The following ZBTB40 variants were observed in gnomAD, a reference collection of about 807,000 sequenced individuals.
The protein encoded by ZBTB40 is zinc finger and BTB domain-containing protein 40.
A neutral mutation model predicts 117.5 loss-of-function variants in ZBTB40; 60 were observed. That is an observed-to-expected ratio of 0.51 (90% CI 0.41 to 0.63). The LOEUF (loss-of-function observed/expected upper bound fraction) is 0.63. Among genes scored for constraint, ZBTB40 ranks in the 30% least tolerant of loss-of-function variants. The pLI, the probability that ZBTB40 is intolerant of heterozygous loss-of-function variation, is 0.00. For missense variants in ZBTB40, 1,287 were observed against 1,498.5 expected (o/e 0.86, Z 2.33); for synonymous variants, 525 against 577.1 (o/e 0.91, Z 1.29).
At chr1:22,433,445 A>AAAACAAC (rs1640626287) in intron 1 of ZBTB40, among the ~76,000 whole-genome samples, 1 of 90,406 alleles carries the variant, frequency 1.1e-5, no homozygotes, top group Admixed American at 1.3e-4. Context: ...AAAAAAAAAA[A>AAAACAAC]AAAAAAAAAA....
At position 22,503,611 on chromosome 1, in the gene ZBTB40, G is replaced by GCACA. The variant is rs34221585; in HGVS notation, c.1167+1187_1167+1190dup. 2.7e-3 allele frequency among the ~76,000 whole-genome samples: 403 copies of GCACA among 150,124 alleles called. 1 individual carries two copies. The highest frequency in any genetic ancestry group is 0.018 in the East Asian group (94 of 5,136). On this transcript the variant is annotated intron_variant, in intron 5 of 17. Coordinates refer to ENST00000375647, the MANE Select transcript of ZBTB40 (RefSeq NM_014870.4). Reference sequence around the variant, plus strand: ...GATCTTATGTTGCACATGTGCGCACGCACACACACACACACACACAATGGA... The same window carrying GCACA: ...GATCTTATGTTGCACATGTGCGCACGCACACACACACACACACACACACAATGGA...
chr1:22,486,328 A>G (rs1638464993), intron 1 of ZBTB40, among the ~76,000 whole-genome samples: 1 of 152,156 alleles, frequency 6.6e-6, no homozygotes, highest in African/African-American at 2.4e-5. Flanking sequence ...ATGGTACAGG[A>G]TGGCTAGAGG....
intron 3 of ZBTB40, among the ~76,000 whole-genome samples, chr1:22,497,911 G>C (rs958942503): frequency 3.3e-5 from 5 of 152,170 alleles, no homozygotes; most frequent in African/African-American, 1.2e-4. Flanking sequence ...AGCGATTGTA[G>C]TCTCTATCAT....
chr1:22,511,333 A>T lies in ZBTB40; in HGVS notation c.1988A>T (p.Glu663Val). 6.2e-7 allele frequency: 1 copy of T among 1,614,092 alleles called. No individual in the cohort carries two copies. The highest frequency in any genetic ancestry group is 8.5e-7 in the Non-Finnish European group (1 of 1,180,044). The change falls in exon 10 of 18, where the codon GAG becomes GTG. Residue 663 changes from glutamate (E) to valine (V), a missense_variant. Physicochemically the swap from Glu to Val is moderately radical, Grantham distance 121 (BLOSUM62 -2). Coordinates refer to ENST00000375647, the MANE Select transcript of ZBTB40 (RefSeq NM_014870.4). ...SFPGLQPVMQ[E>V]LAYIGVLTKE... The stretch of plus-strand genomic sequence containing the variant: ...CCAGGCCTGCAGCCTGTCATGCAGG[A>T]GTTGGCATACATTGGTAAGGAACGG...
intron 1 of ZBTB40, among the ~76,000 whole-genome samples, chr1:22,460,594 T>C (rs1041936893): frequency 6.6e-6 from 1 of 152,148 alleles, no homozygotes; most frequent in Non-Finnish European, 1.5e-5. Flanking sequence ...TTTGCAAATA[T>C]AAAAGTGAGA....
intron 1 of ZBTB40, among the ~76,000 whole-genome samples, chr1:22,435,082 C>A (rs908938740): frequency 2.0e-5 from 3 of 148,840 alleles, no homozygotes; most frequent in Non-Finnish European, 4.5e-5. Flanking sequence ...CTCACTGCAA[C>A]CTCTACCTCC....
At chr1:22,465,912 A>G (rs1466757558) in intron 1 of ZBTB40, among the ~76,000 whole-genome samples, 1 of 152,192 alleles carries the variant, frequency 6.6e-6, no homozygotes, top group African/African-American at 2.4e-5. Flanking sequence ...TGCTTCAGCC[A>G]GGATAATGGC....
At chr1:22,500,373 T>C (rs1638895880) in intron 3 of ZBTB40, among the ~76,000 whole-genome samples, 2 of 152,152 alleles carry the variant, frequency 1.3e-5, no homozygotes, top group South Asian at 4.2e-4. Context: ...TGGATTGAAA[T>C]AGTGCAGGGT....
chr1:22,491,594 A>AC, intron 3 of ZBTB40, 61 bp downstream of exon 3: 1 of 1,577,930 alleles, frequency 6.3e-7, no homozygotes. Flanking sequence ...TACCTTACTA[A>AC]CTTTTTATAT....
intron 10 of ZBTB40, among the ~76,000 whole-genome samples, 153 bp from the exon 11 acceptor site, chr1:22,511,523 T>C (rs1460317671): frequency 6.6e-6 from 1 of 152,216 alleles, no homozygotes; most frequent in East Asian, 1.9e-4. Flanking sequence ...TCTTTGTGTT[T>C]ATTGGAAAGT....
rs149324724 is a variant in ZBTB40, at chr1:22,508,626, A to G, written c.1594A>G (p.Ile532Val). The change falls in exon 8 of 18, where the codon ATT becomes GTT. Residue 532 changes from isoleucine to valine, a missense_variant. Ile to Val is a conservative substitution (Grantham distance 29, BLOSUM62 3). Coordinates refer to ENST00000375647, the MANE Select transcript of ZBTB40 (RefSeq NM_014870.4). ...LEKQTLSATA[I>V]WQLLLVVQET... Reference sequence around the variant, plus strand: ...AAAGCAGACTCTCTCTGCCACAGCCATTTGGCAACTGCTGCTGGTGGTTCA... The same window carrying G: ...AAAGCAGACTCTCTCTGCCACAGCCGTTTGGCAACTGCTGCTGGTGGTTCA... The G allele has an allele frequency of 1.8e-5, 29 of 1,614,196 alleles. No homozygotes were observed. The Middle Eastern group carries it at 4.9e-4, about 28-fold the overall frequency.
rs184885954 is a variant in ZBTB40, at chr1:22,510,354, C to T, written c.1834-825C>T. On this transcript the variant is annotated intron_variant, in intron 9 of 17. Transcript: ENST00000375647. ...TCTGTGGGGCTTCAGAGGAAAGACT[C>T]ATCTGTTAGACTCTCTCCAGCACGC... Among the ~76,000 whole-genome samples the T allele has an allele frequency of 1.1e-3, 160 of 152,310 alleles. 1 individual carries two copies. Among genetic ancestry groups the T allele is most frequent in the African/African-American group, 3.5e-3 (145 of 41,558 alleles).
rs767744480 is a variant in ZBTB40, at chr1:22,513,476, G to A, written c.2668+346G>A. Reference sequence around the variant, plus strand: ...AAAAAAAAATAAGGCTGAGGCAGGCGGATCACAAGGTCAGGAGATTGAGAC... The same window carrying A: ...AAAAAAAAATAAGGCTGAGGCAGGCAGATCACAAGGTCAGGAGATTGAGAC... On this transcript the variant is annotated intron_variant, in intron 12 of 17. Coordinates refer to ENST00000375647, the MANE Select transcript of ZBTB40 (RefSeq NM_014870.4). This position sits in a 1 kb window ranked among gnomAD's most constrained non-coding sequence, Gnocchi z 4.9. Among the ~76,000 whole-genome samples the A allele has an allele frequency of 3.9e-5, 6 of 152,110 alleles. No homozygotes were observed. Among genetic ancestry groups the A allele is most frequent in the South Asian group, 2.1e-4 (1 of 4,806 alleles).
chr1:22,456,629 C>T (rs115283656), intron 1 of ZBTB40, among the ~76,000 whole-genome samples: 2,770 of 152,290 alleles, frequency 0.018, 69 homozygotes, highest in Admixed American at 0.064. Flanking sequence ...TGAGAATCTC[C>T]CCTGAAACCA....
rs534072517 is a variant in ZBTB40 at position 22,491,392 on chromosome 1, A to G, written c.698-8A>G. ...TTTCTGATTTGTTTTATTTTGTTCTACATTTAGGATGTGAAAGGAAACACT... is the reference window on the plus strand; with the variant it reads ...TTTCTGATTTGTTTTATTTTGTTCTGCATTTAGGATGTGAAAGGAAACACT... On this transcript the variant is annotated splice_polypyrimidine_tract_variant and splice_region_variant and intron_variant, in intron 2 of 17. Transcript: ENST00000375647. 1.9e-6 allele frequency: 3 copies of G among 1,613,612 alleles called. No individual in the cohort carries two copies. The highest frequency in any genetic ancestry group is 1.1e-5 in the South Asian group (1 of 91,072).
chr1:22,437,571 C>A (rs889267621), intron 1 of ZBTB40, among the ~76,000 whole-genome samples: 1 of 151,868 alleles, frequency 6.6e-6, no homozygotes, highest in African/African-American at 2.4e-5. Context: ...AGGCACGCAC[C>A]ACTACACCCG....
chr1:22,451,207 A>C (rs145905633), upstream of ZBTB40, among the ~76,000 whole-genome samples: 174 of 152,326 alleles, frequency 1.1e-3, no homozygotes, highest in Non-Finnish European at 2.1e-3. Flanking sequence ...CCTGTCCCAC[A>C]AAGAGTGCGG....
intron 1 of ZBTB40, among the ~76,000 whole-genome samples, chr1:22,441,607 C>T (rs1199846702): frequency 6.6e-6 from 1 of 151,612 alleles, no homozygotes; most frequent in African/African-American, 2.4e-5. Context: ...CTCAGCCTCC[C>T]AAGTAGCTGA....
At chr1:22,483,838 A>G (rs1319043490) in intron 1 of ZBTB40, among the ~76,000 whole-genome samples, 1 of 152,180 alleles carries the variant, frequency 6.6e-6, no homozygotes, top group Non-Finnish European at 1.5e-5. Context: ...GCCAAAGTCA[A>G]CTAAGTTTTC....
Sources: allele counts gnomAD v4.1 joint callset (sites outside exome capture counted in the v4.1 genomes callset), GRCh38; gene constraint gnomAD v4.1.1; non-coding constraint Gnocchi (gnomAD v3.1); transcripts MANE v1.5; gene names NCBI Gene and HGNC (gene_info 2026-07-23, HGNC 2026-07-21).